Variants in MED12L observed in about 807,000 individuals in gnomAD.
The protein encoded by MED12L is mediator of RNA polymerase II transcription subunit 12-like protein.
Under a neutral mutation model 281.3 loss-of-function variants are expected in MED12L, and 60 were observed. That is an observed-to-expected ratio of 0.21 (90% CI 0.17 to 0.26). The LOEUF is 0.26. Among genes scored for constraint, MED12L ranks in the 10% least tolerant of loss-of-function variants. The probability of loss-of-function intolerance (pLI) is 1.00; values close to 1 mark genes in which losing one functional copy is unlikely to be tolerated. For missense variants in MED12L, 2,146 were observed against 2,680.9 expected (o/e 0.80, Z 4.41); for synonymous variants, 974 against 987.2 (o/e 0.99, Z 0.25).
chr3:151,413,338 C>T (rs748172194), intron 42 of MED12L, 43 bp downstream of exon 42: 6 of 1,587,592 alleles, frequency 3.8e-6, no homozygotes, highest in South Asian at 3.4e-5. Context: ...ACCCTTCAGA[C>T]AGTGCAAATA....
intron 43 of MED12L, among the ~76,000 whole-genome samples, chr3:151,418,124 C>G (rs1482109011): frequency 6.6e-6 from 1 of 152,204 alleles, no homozygotes; most frequent in South Asian, 2.1e-4. Flanking sequence ...CCCAGATTTA[C>G]TAATTCTTAA....
intron 5 of MED12L, among the ~76,000 whole-genome samples, chr3:151,142,789 G>T (rs1717239962): frequency 6.6e-6 from 1 of 151,210 alleles, no homozygotes; most frequent in African/African-American, 2.4e-5. Flanking sequence ...ATTTGCACTG[G>T]AATGTTAATT....
At chr3:151,416,510 C>T (rs1717574934) in intron 43 of MED12L, 88 bp downstream of exon 43, 15 of 1,421,376 alleles carry the variant, frequency 1.1e-5, no homozygotes, top group Admixed American at 2.1e-5. Flanking sequence ...TGTTAAGAAT[C>T]GACAAAGCCT....
At chr3:151,185,624 C>T (rs1460298558) in intron 12 of MED12L, among the ~76,000 whole-genome samples, 163 bp downstream of exon 12, 2 of 152,124 alleles carry the variant, frequency 1.3e-5, no homozygotes, top group South Asian at 2.1e-4. Flanking sequence ...TAGAATCTCT[C>T]TAAATTGATG....
intron 16 of MED12L, among the ~76,000 whole-genome samples, chr3:151,313,172 A>C (rs1747778872): frequency 6.6e-6 from 1 of 152,048 alleles, no homozygotes; most frequent in Non-Finnish European, 1.5e-5. Flanking sequence ...CTGTGCTCCT[A>C]ACTACCGCTC....
At chr3:151,192,941 T>C (rs923349713) in intron 15 of MED12L, among the ~76,000 whole-genome samples, 4 of 152,224 alleles carry the variant, frequency 2.6e-5, no homozygotes, top group African/African-American at 9.7e-5. Context: ...AGCTTCACGA[T>C]GACAGTCCAT....
At chr3:151,259,794 G>A (rs773018147) in intron 16 of MED12L, among the ~76,000 whole-genome samples, 1 of 152,056 alleles carries the variant, frequency 6.6e-6, no homozygotes, top group Non-Finnish European at 1.5e-5. Context: ...TTAGAGTCCT[G>A]GTTTATAGTT....
chr3:151,343,690 G>A (rs866983169), intron 16 of MED12L, among the ~76,000 whole-genome samples: 1 of 152,106 alleles, frequency 6.6e-6, no homozygotes, highest in Non-Finnish European at 1.5e-5. Flanking sequence ...TGGTTGGTTT[G>A]GTTATTTTGT....
At chr3:151,181,961 T>C (rs1486240096) in intron 11 of MED12L, among the ~76,000 whole-genome samples, 1 of 152,160 alleles carries the variant, frequency 6.6e-6, no homozygotes, top group African/African-American at 2.4e-5. Context: ...GACCTTGCAA[T>C]AATAACTCAG....
At chr3:151,161,195 A>G (rs1201213145) in intron 8 of MED12L, among the ~76,000 whole-genome samples, 1 of 152,186 alleles carries the variant, frequency 6.6e-6, no homozygotes, top group Non-Finnish European at 1.5e-5. Flanking sequence ...GGAGGCTTGC[A>G]AGGCAAAGAA....
Position 151,401,821 on chromosome 3 carries a change from G to A in MED12L, c.5820+6954G>A, listed in dbSNP as rs142835988. Among the ~76,000 whole-genome samples, 221 of 152,274 alleles carry A rather than the reference G, an allele frequency of 1.5e-3. 2 individuals carry two copies. The highest frequency in any genetic ancestry group is 4.9e-3 in the African/African-American group (202 of 41,552). On this transcript the variant is annotated intron_variant, in intron 39 of 44. Coordinates refer to ENST00000687756, the MANE Select transcript of MED12L (RefSeq NM_001393769.1). ...TAAACTCTATCATTTTGGTTTTTGG[G>A]TAGAAAGCATGTTCAGGGAGGTGGG...
chr3:151,203,701 G>C (rs1212762638), intron 16 of MED12L, among the ~76,000 whole-genome samples: 2 of 151,756 alleles, frequency 1.3e-5, no homozygotes, highest in Non-Finnish European at 2.9e-5. Flanking sequence ...GTTCATTATA[G>C]AAAAATCTGG....
At chr3:151,288,560 C>G (rs146555879) in intron 16 of MED12L, among the ~76,000 whole-genome samples, 159 of 152,356 alleles carry the variant, frequency 1.0e-3, no homozygotes, top group African/African-American at 3.4e-3. Context: ...CATTTGACCA[C>G]TTCATGTTGA....
At chr3:151,129,328 C>T (rs1185015983) in intron 5 of MED12L, among the ~76,000 whole-genome samples, 1 of 152,102 alleles carries the variant, frequency 6.6e-6, no homozygotes, top group African/African-American at 2.4e-5. Context: ...TCAGCATCAT[C>T]CTATACGTGT....
chr3:151,217,834 G>T (rs1728544005), intron 16 of MED12L, among the ~76,000 whole-genome samples: 1 of 152,060 alleles, frequency 6.6e-6, no homozygotes, highest in African/African-American at 2.4e-5. Context: ...TGTCTTACGG[G>T]TTCAAGTGTC....
chr3:151,151,442 C>G (rs1308035576), intron 5 of MED12L, among the ~76,000 whole-genome samples: 1 of 152,024 alleles, frequency 6.6e-6, no homozygotes, highest in Non-Finnish European at 1.5e-5. Context: ...TTTTAACATG[C>G]CTTCCTCGCT....
chr3:151,335,865 C>T (rs970375422), intron 16 of MED12L, among the ~76,000 whole-genome samples: 1 of 152,150 alleles, frequency 6.6e-6, no homozygotes, highest in Admixed American at 6.5e-5. Flanking sequence ...TAGGTAATTT[C>T]AAATACTTTC....
intron 16 of MED12L, among the ~76,000 whole-genome samples, chr3:151,312,549 G>A (rs957798387): frequency 6.6e-6 from 1 of 152,078 alleles, no homozygotes; most frequent in Non-Finnish European, 1.5e-5. Context: ...TTTGTTATAT[G>A]TCCTCCAGAG....
intron 2 of MED12L, among the ~76,000 whole-genome samples, chr3:151,112,677 T>A (rs1712104748): frequency 6.6e-6 from 1 of 152,206 alleles, no homozygotes; most frequent in Non-Finnish European, 1.5e-5. Context: ...TATAGGTAAG[T>A]TATCTATGAA....
Sources: gnomAD v4.1 joint callset for allele counts (sites outside exome capture counted in the v4.1 genomes callset) on GRCh38, gnomAD v4.1.1 for gene constraint, MANE v1.5 for transcripts, NCBI Gene and HGNC (gene_info 2026-07-23, HGNC 2026-07-21) for gene names.